Variants in VAT1L observed in about 807,000 individuals in gnomAD.
The protein encoded by VAT1L is vesicle amine transport 1 like.
A neutral mutation model predicts 44.1 loss-of-function variants in VAT1L; 34 were observed. The observed-to-expected ratio is 0.77, with a 90% CI of 0.59 to 1.03. VAT1L has a LOEUF of 1.03. Among genes scored for constraint, VAT1L ranks in the 50% least tolerant of loss-of-function variants. The pLI, the probability that VAT1L is intolerant of heterozygous loss-of-function variation, is 0.00. For missense variants in VAT1L, 615 were observed against 538.8 expected (o/e 1.14, Z -1.40); for synonymous variants, 253 against 202.2 (o/e 1.25, Z -2.13).
chr16:77,910,399 G>A (rs1253807717), intron 7 of VAT1L, among the ~76,000 whole-genome samples: 4 of 152,106 alleles, frequency 2.6e-5, no homozygotes, highest in Non-Finnish European at 4.4e-5. Flanking sequence ...GTGGCCAGGC[G>A]TGGTGGCTCA....
rs568331694 is a variant in VAT1L at position 77,852,903 on chromosome 16, A to G, written c.580-9845A>G. Among the ~76,000 whole-genome samples, 16 of 152,284 alleles carry G rather than the reference A, an allele frequency of 1.1e-4. No homozygotes were observed. In the South Asian group the frequency reaches 1.7e-3, roughly 16 times the overall value. ...TCTTCCATCTGGGAAATGAGGATGA[A>G]CTAGTACCTACCTCATAAAGGTTGT... On this transcript the variant is annotated intron_variant, in intron 3 of 8. Coordinates refer to ENST00000302536, the MANE Select transcript of VAT1L (RefSeq NM_020927.3).
chr16:77,794,860 AT>A (rs2015900079), intron 1 of VAT1L, among the ~76,000 whole-genome samples: 1 of 152,008 alleles, frequency 6.6e-6, no homozygotes, highest in Non-Finnish European at 1.5e-5. Context: ...AGCTCGGGTC[AT>A]TTTTATTTAA....
intron 1 of VAT1L, among the ~76,000 whole-genome samples, chr16:77,801,870 C>T (rs1008795080): frequency 6.6e-6 from 1 of 152,116 alleles, no homozygotes; most frequent in African/African-American, 2.4e-5. Flanking sequence ...TCCCTTTATC[C>T]ACTCAGTTAA....
chr16:77,910,631 T>G (rs1391317039), intron 7 of VAT1L, among the ~76,000 whole-genome samples: 6 of 130,770 alleles, frequency 4.6e-5, no homozygotes, highest in Middle Eastern at 5.7e-3. Context: ...CCGAGATCGC[T>G]CCACTGCACT....
At chr16:77,929,071 C>A (rs780992967) in intron 7 of VAT1L, among the ~76,000 whole-genome samples, 7 of 152,160 alleles carry the variant, frequency 4.6e-5, no homozygotes, top group African/African-American at 9.7e-5. Context: ...CCCTTGGCCT[C>A]CCAAAGTGCT....
intron 3 of VAT1L, among the ~76,000 whole-genome samples, chr16:77,860,123 C>G (rs893571380): frequency 1.3e-5 from 2 of 152,146 alleles, no homozygotes; most frequent in African/African-American, 4.8e-5. Context: ...TGGAATAGAT[C>G]TTTCGCTCAC....
At chr16:77,819,551 T>G (rs765846465) in intron 2 of VAT1L, among the ~76,000 whole-genome samples, 2 of 152,086 alleles carry the variant, frequency 1.3e-5, no homozygotes, top group East Asian at 1.9e-4. Context: ...CTGGCTAATT[T>G]TTTGTATTTT....
intron 7 of VAT1L, among the ~76,000 whole-genome samples, chr16:77,913,998 G>T (rs755686684): frequency 6.6e-6 from 1 of 152,050 alleles, no homozygotes; most frequent in Non-Finnish European, 1.5e-5. Context: ...AAGCTCTTTG[G>T]TCATCTGTTC....
intron 7 of VAT1L, among the ~76,000 whole-genome samples, chr16:77,927,683 C>T (rs2142499336): frequency 6.6e-6 from 1 of 152,154 alleles, no homozygotes. Flanking sequence ...CGAGACCATC[C>T]TGGCTAACAC....
At chr16:77,841,692 C>A (rs1244367774) in intron 3 of VAT1L, among the ~76,000 whole-genome samples, 1 of 152,096 alleles carries the variant, frequency 6.6e-6, no homozygotes, top group African/African-American at 2.4e-5. Flanking sequence ...GTGGGGGCTT[C>A]CTACATGATT....
intron 7 of VAT1L, among the ~76,000 whole-genome samples, chr16:77,944,481 C>G (rs1164946549): frequency 6.6e-6 from 1 of 152,146 alleles, no homozygotes; most frequent in African/African-American, 2.4e-5. Flanking sequence ...ATCATTAAAT[C>G]CTCGCTCTTC....
At chr16:77,869,357 G>T (rs1339114697) in intron 4 of VAT1L, among the ~76,000 whole-genome samples, 2 of 152,200 alleles carry the variant, frequency 1.3e-5, no homozygotes, top group Non-Finnish European at 2.9e-5. Context: ...GGGAAAGTGG[G>T]ACTGGAGCTC....
intron 7 of VAT1L, among the ~76,000 whole-genome samples, chr16:77,922,276 T>G (rs567127097): frequency 6.6e-6 from 1 of 152,116 alleles, no homozygotes; most frequent in African/African-American, 2.4e-5. Context: ...GTGGTTCTTA[T>G]TAGGTCTTGG....
At chr16:77,918,254 A>G (rs1270353883) in intron 7 of VAT1L, among the ~76,000 whole-genome samples, 1 of 152,220 alleles carries the variant, frequency 6.6e-6, no homozygotes, top group Non-Finnish European at 1.5e-5. Context: ...CAGTGAGCCC[A>G]ATAAGCTAAG....
At chr16:77,885,356 A>T (rs757607262) in intron 7 of VAT1L, among the ~76,000 whole-genome samples, 2 of 152,214 alleles carry the variant, frequency 1.3e-5, no homozygotes, top group African/African-American at 2.4e-5. Flanking sequence ...AAGAACATTA[A>T]GAACCCCTAA....
At chr16:77,956,203 C>G (rs254818) in intron 7 of VAT1L, among the ~76,000 whole-genome samples, 51,331 of 151,904 alleles carry the variant, frequency 0.34, 8,801 homozygotes, top group South Asian at 0.45. Context: ...AATATACATA[C>G]TTACCATGTA....
intron 7 of VAT1L, among the ~76,000 whole-genome samples, chr16:77,924,650 C>T (rs779564811): frequency 2.9e-4 from 44 of 152,176 alleles, no homozygotes; most frequent in South Asian, 1.5e-3. Flanking sequence ...TTAGTAGAGA[C>T]GGGGTTTCAC....
intron 2 of VAT1L, among the ~76,000 whole-genome samples, chr16:77,824,278 G>A (rs1009646820): frequency 6.6e-6 from 1 of 152,172 alleles, no homozygotes; most frequent in African/African-American, 2.4e-5. Context: ...GAGTTTCAAG[G>A]AATGGGTTCT....
intron 6 of VAT1L, among the ~76,000 whole-genome samples, chr16:77,882,691 C>T (rs997109940): frequency 1.3e-5 from 2 of 152,224 alleles, no homozygotes; most frequent in African/African-American, 4.8e-5. Flanking sequence ...TTGCAGCAAG[C>T]ATTCATTCCA....
Sources: allele counts gnomAD v4.1 joint callset (sites outside exome capture counted in the v4.1 genomes callset), GRCh38; gene constraint gnomAD v4.1.1; transcripts MANE v1.5; gene names NCBI Gene and HGNC (gene_info 2026-07-23, HGNC 2026-07-21).